The following DDR2 variants were observed in gnomAD, a reference collection of about 807,000 sequenced individuals.
DDR2 encodes discoidin domain-containing receptor 2.
A neutral mutation model predicts 94.9 loss-of-function variants in DDR2; 27 were observed. The observed-to-expected ratio is 0.28, with a 90% CI of 0.21 to 0.39. The LOEUF (loss-of-function observed/expected upper bound fraction) is 0.39, where lower values mean the gene tolerates loss of function less well. Ranked by LOEUF, DDR2 falls within the 10% of genes least tolerant of loss-of-function variation. DDR2 has a pLI of 1.00. For missense variants in DDR2, 783 were observed against 1,076.0 expected (o/e 0.73, Z 3.81); for synonymous variants, 382 against 377.2 (o/e 1.01, Z -0.15).
intron 2 of DDR2, among the ~76,000 whole-genome samples, chr1:162,675,481 T>C (rs1659083722): frequency 6.6e-6 from 1 of 152,184 alleles, no homozygotes; most frequent in Admixed American, 6.5e-5. Flanking sequence ...AGCAAGGGCC[T>C]GTAGCCTGGA....
intron 2 of DDR2, among the ~76,000 whole-genome samples, chr1:162,681,638 T>A (rs1292878222): frequency 6.6e-6 from 1 of 152,116 alleles, no homozygotes; most frequent in African/African-American, 2.4e-5. Context: ...GGTTCAGAGA[T>A]AACTGTTTTC....
At chr1:162,752,383 G>T (rs1216685282) in intron 3 of DDR2, among the ~76,000 whole-genome samples, 1 of 152,142 alleles carries the variant, frequency 6.6e-6, no homozygotes, top group African/African-American at 2.4e-5. Flanking sequence ...GCCACCGTAG[G>T]GGTCAACTTT....
chr1:162,747,250 C>G lies in DDR2; in HGVS notation c.83-5845C>G, dbSNP rs137860376. Among the ~76,000 whole-genome samples the G allele has an allele frequency of 9.5e-3, 1,441 of 152,200 alleles. 22 individuals are homozygous for G. The highest frequency in any genetic ancestry group is 0.033 in the African/African-American group (1,376 of 41,508). On this transcript the variant is annotated intron_variant, in intron 3 of 17. Transcript: ENST00000367921. Reference sequence around the variant, plus strand: ...AAGTTTGGAGGATGTTCAAACCCATCGCAAAGAAGCTAAAAACCTTGAAAA... The same window carrying G: ...AAGTTTGGAGGATGTTCAAACCCATGGCAAAGAAGCTAAAAACCTTGAAAA...
At chr1:162,742,095 A>G (rs1662639561) in intron 3 of DDR2, among the ~76,000 whole-genome samples, 1 of 152,238 alleles carries the variant, frequency 6.6e-6, no homozygotes, top group African/African-American at 2.4e-5. Flanking sequence ...CAAACAGTTC[A>G]GATTTGCCCT....
At chr1:162,748,366 A>C (rs1451213321) in intron 3 of DDR2, among the ~76,000 whole-genome samples, 1 of 152,248 alleles carries the variant, frequency 6.6e-6, no homozygotes, top group Non-Finnish European at 1.5e-5. Flanking sequence ...CTCTGATAAA[A>C]CAGACTTTAA....
chr1:162,634,269 C>T (rs544524502), intron 1 of DDR2, among the ~76,000 whole-genome samples: 3 of 152,198 alleles, frequency 2.0e-5, no homozygotes, highest in Non-Finnish European at 2.9e-5. Context: ...GACTTAGAGT[C>T]AGAAGATTCA....
At chr1:162,736,330 A>G in intron 3 of DDR2, among the ~76,000 whole-genome samples, 1 of 152,376 alleles carries the variant, frequency 6.6e-6, no homozygotes, top group South Asian at 2.1e-4. Flanking sequence ...AAACAGACCG[A>G]AAGAGAGCCA....
chr1:162,760,358 T>TG (rs1663654241), intron 8 of DDR2, among the ~76,000 whole-genome samples: 1 of 143,028 alleles, frequency 7.0e-6, no homozygotes, highest in Admixed American at 7.0e-5. Flanking sequence ...ACCAGCACAG[T>TG]TGTGTGTGTG....
intron 2 of DDR2, among the ~76,000 whole-genome samples, chr1:162,693,967 C>T (rs1660071027): frequency 6.6e-6 from 1 of 152,120 alleles, no homozygotes; most frequent in African/African-American, 2.4e-5. Context: ...CCTCTGCCTC[C>T]CAGGCTCAAG....
chr1:162,771,699 A>T (rs536779484), intron 12 of DDR2, among the ~76,000 whole-genome samples: 2 of 152,352 alleles, frequency 1.3e-5, no homozygotes, highest in South Asian at 4.1e-4. Flanking sequence ...GAAATAAGTT[A>T]TTAAACCTTC....
intron 9 of DDR2, among the ~76,000 whole-genome samples, chr1:162,763,229 G>A (rs1663829994): frequency 6.7e-6 from 1 of 149,142 alleles, no homozygotes; most frequent in South Asian, 2.1e-4. Flanking sequence ...TGCCCAGGCT[G>A]GAGTACTATC....
At chr1:162,665,019 C>T (rs1658481583) in intron 2 of DDR2, among the ~76,000 whole-genome samples, 1 of 152,188 alleles carries the variant, frequency 6.6e-6, no homozygotes, top group South Asian at 2.1e-4. Context: ...CTTACATATA[C>T]AGAATTGGTT....
chr1:162,672,483 A>G (rs576462539), intron 2 of DDR2, among the ~76,000 whole-genome samples: 334 of 152,286 alleles, frequency 2.2e-3, no homozygotes, highest in Non-Finnish European at 2.7e-3. Context: ...TACATCATAC[A>G]TGATGCTCTT....
chr1:162,656,847 T>TA (rs1658001251), intron 2 of DDR2, among the ~76,000 whole-genome samples: 2 of 123,712 alleles, frequency 1.6e-5, no homozygotes, highest in African/African-American at 5.7e-5. Context: ...TTTTTTTTTT[T>TA]TTATTTTTTT....
At chr1:162,656,848 T>A (rs1658001357) in intron 2 of DDR2, among the ~76,000 whole-genome samples, 2 of 123,856 alleles carry the variant, frequency 1.6e-5, no homozygotes, top group African/African-American at 5.8e-5. Context: ...TTTTTTTTTT[T>A]TATTTTTTTT....
At chr1:162,744,592 G>A (rs537808061) in intron 3 of DDR2, among the ~76,000 whole-genome samples, 1 of 152,042 alleles carries the variant, frequency 6.6e-6, no homozygotes, top group African/African-American at 2.4e-5. Flanking sequence ...AGGTATACAC[G>A]TGCCATGGTG....
At chr1:162,766,590 TGAGG>T (rs1375386440) in intron 10 of DDR2, among the ~76,000 whole-genome samples, 1 of 152,156 alleles carries the variant, frequency 6.6e-6, no homozygotes. Flanking sequence ...CTGTTTTTCA[TGAGG>T]TGTGATTAAG....
At chr1:162,761,556 T>C in intron 9 of DDR2, 102 bp downstream of exon 9, 1 of 1,572,572 alleles carries the variant, frequency 6.4e-7, no homozygotes, top group Non-Finnish European at 8.7e-7. Context: ...AGGAGTGGGA[T>C]TGTACAGGCA....
intron 2 of DDR2, among the ~76,000 whole-genome samples, chr1:162,687,571 G>T (rs1474874885): frequency 1.3e-5 from 2 of 152,170 alleles, no homozygotes; most frequent in African/African-American, 4.8e-5. Context: ...GAGCTCTAAT[G>T]TTGGAGCCAG....
Sources: gnomAD v4.1 joint callset for allele counts (sites outside exome capture counted in the v4.1 genomes callset) on GRCh38, gnomAD v4.1.1 for gene constraint, MANE v1.5 for transcripts, NCBI Gene and HGNC (gene_info 2026-07-23, HGNC 2026-07-21) for gene names.